Variants in ZHX2 observed in about 807,000 individuals in gnomAD.
ZHX2 encodes zinc fingers and homeoboxes protein 2.
Under a neutral mutation model 21.9 loss-of-function variants are expected in ZHX2, and 6 were observed. That is an observed-to-expected ratio of 0.27 (90% CI 0.15 to 0.54). The LOEUF is 0.54. Among genes scored for constraint, ZHX2 ranks in the 20% least tolerant of loss-of-function variants. The pLI is 0.95. For synonymous variants in ZHX2, 434 were observed against 437.1 expected (o/e 0.99, Z 0.09); for missense variants, 908 against 1,090.7 (o/e 0.83, Z 2.36).
chr8:122,924,501 A>G (rs1179124404), intron 2 of ZHX2, among the ~76,000 whole-genome samples: 2 of 152,160 alleles, frequency 1.3e-5, no homozygotes, highest in Non-Finnish European at 2.9e-5. Context: ...ATATCTTTTT[A>G]GGGGGACAAA....
chr8:122,836,218 C>A (rs941972902), intron 1 of ZHX2, among the ~76,000 whole-genome samples: 6 of 152,168 alleles, frequency 3.9e-5, no homozygotes, highest in African/African-American at 1.4e-4. Flanking sequence ...CCTTCTTGGA[C>A]CAACGTTGGA....
chr8:122,785,830 C>T (rs993560584), intron 1 of ZHX2, among the ~76,000 whole-genome samples: 1 of 152,100 alleles, frequency 6.6e-6, no homozygotes, highest in Non-Finnish European at 1.5e-5. Flanking sequence ...TGATGCCAGG[C>T]TTGGGGGTGC....
chr8:122,903,924 T>A (rs1051344211), intron 2 of ZHX2, among the ~76,000 whole-genome samples: 3 of 152,102 alleles, frequency 2.0e-5, no homozygotes, highest in African/African-American at 7.2e-5. Context: ...TTTTCTCTAT[T>A]TCTCCCACTG....
chr8:122,912,212 G>T (rs974671791), intron 2 of ZHX2, among the ~76,000 whole-genome samples: 2 of 152,196 alleles, frequency 1.3e-5, no homozygotes, highest in Non-Finnish European at 2.9e-5. Flanking sequence ...ACATAGCACA[G>T]ACTCAGAGAG....
At chr8:122,821,532 TAA>T (rs775665251) in intron 1 of ZHX2, among the ~76,000 whole-genome samples, 20 of 136,008 alleles carry the variant, frequency 1.5e-4, no homozygotes, top group African/African-American at 1.6e-4. Flanking sequence ...ATCAAACACT[TAA>T]AAAAAAAAAA....
intron 1 of ZHX2, among the ~76,000 whole-genome samples, chr8:122,845,033 C>T (rs1024314971): frequency 2.0e-5 from 3 of 152,236 alleles, no homozygotes; most frequent in African/African-American, 7.2e-5. Context: ...CATTCCTGGT[C>T]TCCCTGTGCC....
At chr8:122,853,489 T>G (rs756887690) in intron 1 of ZHX2, among the ~76,000 whole-genome samples, 12 of 152,254 alleles carry the variant, frequency 7.9e-5, no homozygotes, top group Non-Finnish European at 1.5e-4. Context: ...CTCCCGGTCA[T>G]GTAAGACAAT....
chr8:122,813,090 G>C (rs967097109), intron 1 of ZHX2, among the ~76,000 whole-genome samples: 3 of 152,040 alleles, frequency 2.0e-5, no homozygotes, highest in African/African-American at 7.2e-5. Flanking sequence ...CAGCTACTCG[G>C]GAGGCTGAGG....
intron 1 of ZHX2, among the ~76,000 whole-genome samples, chr8:122,805,064 C>T (rs569778710): frequency 6.6e-6 from 1 of 152,164 alleles, no homozygotes; most frequent in African/African-American, 2.4e-5. Flanking sequence ...CACTAAGAAT[C>T]AGGCTGTCTT....
intron 3 of ZHX2, among the ~76,000 whole-genome samples, chr8:122,970,923 A>C (rs550576249): frequency 6.6e-6 from 1 of 152,292 alleles, no homozygotes; most frequent in African/African-American, 2.4e-5. Context: ...AGCTCTGTGC[A>C]TGGAGAGGCT....
At chr8:122,820,403 C>A (rs918996066) in intron 1 of ZHX2, among the ~76,000 whole-genome samples, 2 of 152,162 alleles carry the variant, frequency 1.3e-5, no homozygotes, top group Non-Finnish European at 2.9e-5. Context: ...CTCTGGCAGG[C>A]GGCCTGGAAA....
chr8:122,850,031 T>A (rs1818850952), intron 1 of ZHX2, among the ~76,000 whole-genome samples: 3 of 152,232 alleles, frequency 2.0e-5, no homozygotes, highest in Admixed American at 2.0e-4. Context: ...CTCTTGACTC[T>A]TTCCCAGTCT....
chr8:122,968,297 G>A (rs1384798010), intron 3 of ZHX2, among the ~76,000 whole-genome samples: 1 of 152,076 alleles, frequency 6.6e-6, no homozygotes, highest in Non-Finnish European at 1.5e-5. Context: ...TGGCCTGTGG[G>A]TCTCAGCAAG....
At chr8:122,903,453 G>T (rs759227474) in intron 2 of ZHX2, among the ~76,000 whole-genome samples, 22 of 152,194 alleles carry the variant, frequency 1.4e-4, no homozygotes, top group Non-Finnish European at 2.5e-4. Context: ...CCTGAACTGG[G>T]TGTCCATTTC....
At chr8:122,916,309 G>A (rs1020243683) in intron 2 of ZHX2, among the ~76,000 whole-genome samples, 3 of 152,140 alleles carry the variant, frequency 2.0e-5, no homozygotes, top group African/African-American at 2.4e-5. Flanking sequence ...TCTTCCAGCC[G>A]CATCCTTTTG....
intron 2 of ZHX2, among the ~76,000 whole-genome samples, chr8:122,877,934 G>A (rs1050081636): frequency 2.0e-5 from 3 of 152,126 alleles, no homozygotes; most frequent in South Asian, 2.1e-4. Context: ...TAAAATATAC[G>A]TTGGATTTTT....
intron 2 of ZHX2, among the ~76,000 whole-genome samples, chr8:122,930,393 G>A (rs1387444556): frequency 6.6e-6 from 1 of 152,182 alleles, no homozygotes; most frequent in African/African-American, 2.4e-5. Context: ...AGAATGGACA[G>A]CCCCCACAGG....
chr8:122,925,100 G>A (rs778210340), intron 2 of ZHX2, among the ~76,000 whole-genome samples: 56 of 152,204 alleles, frequency 3.7e-4, no homozygotes, highest in Non-Finnish European at 6.9e-4. Context: ...AGCAGTCCCA[G>A]CATCAGCCTG....
intron 1 of ZHX2, among the ~76,000 whole-genome samples, chr8:122,798,200 A>G (rs16897450): frequency 0.013 from 1,957 of 152,280 alleles, 49 homozygotes; most frequent in African/African-American, 0.044. Context: ...TGCTACGCCT[A>G]TGCATTCGAG....
Sources: allele counts gnomAD v4.1 joint callset (sites outside exome capture counted in the v4.1 genomes callset), GRCh38; gene constraint gnomAD v4.1.1; transcripts MANE v1.5; gene names NCBI Gene and HGNC (gene_info 2026-07-23, HGNC 2026-07-21).